Variants in PRKG1 observed in about 807,000 individuals in gnomAD.
The protein encoded by PRKG1 is protein kinase cGMP-dependent 1.
PRKG1 carries 35 observed loss-of-function variants against 88.1 expected under a neutral mutation model. The ratio of observed to expected loss-of-function variants is 0.40; its 90% CI spans 0.30 to 0.53. The LOEUF is 0.53. Ranked by LOEUF, PRKG1 falls within the 20% of genes least tolerant of loss-of-function variation. The probability of loss-of-function intolerance (pLI) is 0.59; values close to 1 mark genes in which losing one functional copy is unlikely to be tolerated. For missense variants in PRKG1, 540 were observed against 839.8 expected (o/e 0.64, Z 4.41); for synonymous variants, 303 against 292.5 (o/e 1.04, Z -0.37).
At chr10:51,446,586 C>T (rs1236851831) in intron 2 of PRKG1, among the ~76,000 whole-genome samples, 1 of 152,022 alleles carries the variant, frequency 6.6e-6, no homozygotes, top group African/African-American at 2.4e-5. Context: ...ATAAAGTTTT[C>T]ATCTGCCTCA....
intron 3 of PRKG1, among the ~76,000 whole-genome samples, chr10:51,627,990 T>TTCTTTC (rs1341833975): frequency 5.5e-5 from 2 of 36,164 alleles, no homozygotes; most frequent in African/African-American, 1.6e-4. Context: ...CTTTCTTTCT[T>TTCTTTC]TCTCTCTCTC....
At chr10:51,126,695 C>T (rs1182572094) in intron 1 of PRKG1, among the ~76,000 whole-genome samples, 1 of 151,996 alleles carries the variant, frequency 6.6e-6, no homozygotes, top group Non-Finnish European at 1.5e-5. Flanking sequence ...CTGGAGGCAT[C>T]AGGCTACCTG....
At chr10:51,865,538 C>T (rs1039151249) in intron 4 of PRKG1, among the ~76,000 whole-genome samples, 4 of 152,038 alleles carry the variant, frequency 2.6e-5, no homozygotes, top group Non-Finnish European at 5.9e-5. Flanking sequence ...TCTGACCTTT[C>T]CATTCCTGAA....
At chr10:52,128,538 C>G in intron 7 of PRKG1, 1 of 985,374 alleles carries the variant, frequency 1.0e-6, no homozygotes, top group Non-Finnish European at 1.2e-6. Context: ...CAAAGAATAT[C>G]AGAGTCAGTG....
At chr10:51,456,499 C>T (rs1387119978) in intron 2 of PRKG1, among the ~76,000 whole-genome samples, 2 of 151,308 alleles carry the variant, frequency 1.3e-5, no homozygotes, top group Non-Finnish European at 2.9e-5. Context: ...TAGAAAATAA[C>T]ATAGGAAAAA....
At chr10:51,515,762 C>T (rs1388885659) in intron 3 of PRKG1, among the ~76,000 whole-genome samples, 1 of 152,060 alleles carries the variant, frequency 6.6e-6, no homozygotes, top group Non-Finnish European at 1.5e-5. Context: ...AACAGGGGTC[C>T]CCTGTTTATT....
At position 51,411,001 on chromosome 10, in the gene PRKG1, A is replaced by AT. The variant is rs200442581; in HGVS notation, c.479-56711dup. ...TAGAATGTGGTAATTTTACAGGTTA[A>AT]TTTTTTTTTTTGAGATGGAATCTCT... On this transcript the variant is annotated intron_variant, in intron 2 of 17. Transcript: ENST00000373980. 4.6e-3 allele frequency among the ~76,000 whole-genome samples: 686 copies of AT among 147,800 alleles called. 9 individuals are homozygous for AT. The highest frequency in any genetic ancestry group is 0.014 in the East Asian group (70 of 5,084).
At chr10:52,233,133 G>C (rs1840566116) in intron 9 of PRKG1, among the ~76,000 whole-genome samples, 2 of 149,394 alleles carry the variant, frequency 1.3e-5, no homozygotes, top group African/African-American at 5.0e-5. Flanking sequence ...GAATTTGGTA[G>C]TTATTAACTC....
intron 3 of PRKG1, among the ~76,000 whole-genome samples, chr10:51,770,033 G>A (rs968120907): frequency 5.3e-5 from 8 of 152,140 alleles, no homozygotes; most frequent in Admixed American, 2.0e-4. Flanking sequence ...ATGTCTGTAC[G>A]ACAGTTTCAT....
chr10:51,007,685 C>T (rs942107129), intron 1 of PRKG1, among the ~76,000 whole-genome samples: 2 of 152,148 alleles, frequency 1.3e-5, no homozygotes, highest in African/African-American at 2.4e-5. Flanking sequence ...CTGAAACTAA[C>T]GTTATGCAAA....
Position 52,225,929 on chromosome 10 carries a change from C to A in PRKG1, c.1077-25641C>A, listed in dbSNP as rs987859026. ...TTGAAATCAGGCCTAGTACCACTTTCTTGCCTAATTTTTCTCCACAGCACT... is the reference window on the plus strand; with the variant it reads ...TTGAAATCAGGCCTAGTACCACTTTATTGCCTAATTTTTCTCCACAGCACT... On this transcript the variant is annotated intron_variant, in intron 9 of 17. Coordinates refer to ENST00000373980, the MANE Select transcript of PRKG1 (RefSeq NM_006258.4). 3.3e-5 allele frequency among the ~76,000 whole-genome samples: 5 copies of A among 151,658 alleles called. 1 individual carries two copies. The highest frequency in any genetic ancestry group is 1.2e-4 in the African/African-American group (5 of 41,278).
intron 1 of PRKG1, among the ~76,000 whole-genome samples, chr10:51,109,271 C>CA (rs1185190929): frequency 1.3e-5 from 2 of 151,572 alleles, no homozygotes; most frequent in East Asian, 3.9e-4. Flanking sequence ...TCAAAATAAC[C>CA]AAAAAATGTT....
chr10:51,743,658 A>T (rs891779537), intron 3 of PRKG1, among the ~76,000 whole-genome samples: 9 of 140,172 alleles, frequency 6.4e-5, no homozygotes, highest in Non-Finnish European at 1.2e-4. Context: ...AATATAAACT[A>T]AATATATATA....
In PRKG1 at chr10:51,204,367, CGTGT is replaced by C. The variant is rs34624885; in HGVS notation, c.478+51068_478+51071del. On this transcript the variant is annotated intron_variant, in intron 2 of 17. Transcript: ENST00000373980. ...TATTTAGATTATTTGAGTAGACCTC[CGTGT>C]GTGTGTGTGTGTGTGTGTGTGTGTG... Among the ~76,000 whole-genome samples, 449 of 145,512 alleles carry C rather than the reference CGTGT, an allele frequency of 3.1e-3. 2 individuals carry two copies. The highest frequency in any genetic ancestry group is 0.013 in the East Asian group (66 of 4,912).
At chr10:51,147,371 A>C (rs1234863624) in intron 1 of PRKG1, among the ~76,000 whole-genome samples, 4 of 152,182 alleles carry the variant, frequency 2.6e-5, no homozygotes, top group Non-Finnish European at 5.9e-5. Flanking sequence ...CATTATGTAC[A>C]TGTATGAAAA....
chr10:52,026,704 C>T (rs888858849), intron 5 of PRKG1, among the ~76,000 whole-genome samples: 6 of 152,188 alleles, frequency 3.9e-5, no homozygotes, highest in Non-Finnish European at 7.3e-5. Context: ...CGGCCAGGCA[C>T]GGTGGCTCAC....
chr10:52,018,906 G>A (rs1255248191), intron 5 of PRKG1, among the ~76,000 whole-genome samples: 1 of 152,184 alleles, frequency 6.6e-6, no homozygotes, highest in African/African-American at 2.4e-5. Flanking sequence ...GCTTATGAAA[G>A]TTAGGATCTG....
intron 1 of PRKG1, 136 bp downstream of exon 1, chr10:51,075,037 G>C: frequency 2.3e-6 from 3 of 1,287,008 alleles, no homozygotes; most frequent in Non-Finnish European, 3.2e-6. Flanking sequence ...CATTTTAACG[G>C]GCACTTCTTG....
intron 4 of PRKG1, among the ~76,000 whole-genome samples, chr10:51,854,508 A>G (rs530961304): frequency 6.6e-6 from 1 of 152,180 alleles, no homozygotes; most frequent in Non-Finnish European, 1.5e-5. Flanking sequence ...GGTAACATAA[A>G]TTATGTACTG....
Sources: allele counts gnomAD v4.1 joint callset (sites outside exome capture counted in the v4.1 genomes callset), GRCh38; gene constraint gnomAD v4.1.1; transcripts MANE v1.5; gene names NCBI Gene and HGNC (gene_info 2026-07-23, HGNC 2026-07-21).